GPR39: variants seen among roughly 807,000 people sequenced by gnomAD.
GPR39 encodes the protein zinc sensing receptor.
A neutral mutation model predicts 18.4 loss-of-function variants in GPR39; 23 were observed. That is an observed-to-expected ratio of 1.25 (90% CI 0.90 to 1.77). GPR39 has a LOEUF of 1.77. GPR39 is among the 40% of genes most tolerant of loss of function. The pLI is 0.00. For synonymous variants in GPR39, 280 were observed against 257.9 expected, an observed-to-expected ratio of 1.09 and a Z score of -0.82; for missense variants, 647 against 602.4, an observed-to-expected ratio of 1.07 and a Z score of -0.78.
Position 132,646,026 on chromosome 2 carries a change from G to C in GPR39, c.*420G>C. 1 of 1,507,820 alleles carries C rather than the reference G, an allele frequency of 6.6e-7. No individual in the cohort carries two copies. The highest frequency in any genetic ancestry group is 8.9e-7 in the Non-Finnish European group (1 of 1,118,928). The allele number at this position is 1,507,820 out of a possible 1,614,324, so 93.4% of individuals were successfully genotyped here. Reference sequence around the variant, plus strand: ...GGGCTGGAAGAACAATGCAGGAGGGGGTGGCATCTCCTTCAGCTTCAGCAG... The same window carrying C: ...GGGCTGGAAGAACAATGCAGGAGGGCGTGGCATCTCCTTCAGCTTCAGCAG... On this transcript the variant is annotated 3_prime_UTR_variant, in exon 2 of 2. Transcript: ENST00000329321.
chr2:132,616,988 C>G (rs1302987847), intron 1 of GPR39, among the ~76,000 whole-genome samples: 3 of 152,174 alleles, frequency 2.0e-5, no homozygotes, highest in Non-Finnish European at 4.4e-5. Flanking sequence ...TTCATAGAGA[C>G]ATTTTTAAAA....
intron 1 of GPR39, among the ~76,000 whole-genome samples, chr2:132,524,594 T>C (rs1233958852): frequency 6.6e-6 from 1 of 152,210 alleles, no homozygotes; most frequent in African/African-American, 2.4e-5. Context: ...TGCTGCTACA[T>C]GATGCTGTCA....
intron 1 of GPR39, among the ~76,000 whole-genome samples, chr2:132,633,993 A>G (rs866798193): frequency 1.3e-4 from 18 of 140,572 alleles, no homozygotes; most frequent in African/African-American, 5.0e-4. Flanking sequence ...AGAGGTGGAG[A>G]TGATGATGGT....
intron 1 of GPR39, among the ~76,000 whole-genome samples, chr2:132,585,620 C>G (rs1680710321): frequency 6.6e-6 from 1 of 152,192 alleles, no homozygotes; most frequent in African/African-American, 2.4e-5. Flanking sequence ...CCGGCCGCCC[C>G]CGGGATGCGT....
At chr2:132,577,821 A>G (rs1416274110) in intron 1 of GPR39, among the ~76,000 whole-genome samples, 1 of 152,160 alleles carries the variant, frequency 6.6e-6, no homozygotes, top group Non-Finnish European at 1.5e-5. Context: ...GCCATCTGCA[A>G]ATAGGGGCAG....
intron 1 of GPR39, among the ~76,000 whole-genome samples, chr2:132,486,411 C>G (rs756403425): frequency 2.0e-5 from 3 of 152,248 alleles, no homozygotes; most frequent in Non-Finnish European, 2.9e-5. Flanking sequence ...GACTTCTCCT[C>G]TTTAGCTATG....
In GPR39 at chr2:132,438,662, A is replaced by G. The variant is rs997402198; in HGVS notation, c.856+20764A>G. Among the ~76,000 whole-genome samples, 5 of 150,172 alleles carry G rather than the reference A, an allele frequency of 3.3e-5. No individual in the cohort carries two copies. The East Asian group carries it at 9.8e-4, about 29-fold the overall frequency. On this transcript the variant is annotated intron_variant, in intron 1 of 1. Coordinates refer to ENST00000329321, the MANE Select transcript of GPR39 (RefSeq NM_001508.3). The stretch of plus-strand genomic sequence containing the variant: ...AGTACTATGTGGTCCCATAAAACCT[A>G]AAATATTTACTATCTGGCCCTTTAA...
chr2:132,559,347 G>A (rs999478972), intron 1 of GPR39, among the ~76,000 whole-genome samples: 6 of 152,136 alleles, frequency 3.9e-5, no homozygotes, highest in African/African-American at 1.4e-4. Flanking sequence ...TGGAGGGTGA[G>A]GTGTTTGGGG....
At position 132,580,876 on chromosome 2, in the gene GPR39, C is replaced by T. The variant is rs145935765; in HGVS notation, c.857-64225C>T. ...ATTCAGGAGGCTGAGGCAGGAGAAT[C>T]GCTTGAACCCAGGAGGCAGATGTTG... On this transcript the variant is annotated intron_variant, in intron 1 of 1. Transcript: ENST00000329321. 2.2e-3 allele frequency among the ~76,000 whole-genome samples: 334 copies of T among 150,464 alleles called. 2 individuals are homozygous for T. Among genetic ancestry groups the T allele is most frequent in the African/African-American group, 7.7e-3 (313 of 40,682 alleles).
chr2:132,436,738 G>A (rs73955648), intron 1 of GPR39, among the ~76,000 whole-genome samples: 26,361 of 152,068 alleles, frequency 0.17, 2,771 homozygotes, highest in African/African-American at 0.29. Context: ...GACTTGTGGG[G>A]ACAGAAGAGG....
Position 132,645,457 on chromosome 2 carries a change from A to G in GPR39, c.1213A>G (p.Thr405Ala), listed in dbSNP as rs746118690. 9.9e-6 allele frequency: 16 copies of G among 1,613,774 alleles called. No homozygotes were observed. The East Asian group carries it at 3.6e-4, about 36-fold the overall frequency. The stretch of plus-strand genomic sequence containing the variant: ...CCGGCGCCAGTCCTCTGCAAGGAGA[A>G]CTGAGAAGATTTTCTTAAGCACTTT... ...ASRRQSSARR[T>A]EKIFLSTFQS... Residue 405 changes from threonine to alanine, a missense_variant, in exon 2 of 2, where the codon ACT becomes GCT. Transcript: ENST00000329321.
At chr2:132,576,922 A>G (rs1680538959) in intron 1 of GPR39, among the ~76,000 whole-genome samples, 1 of 152,164 alleles carries the variant, frequency 6.6e-6, no homozygotes, top group Admixed American at 6.5e-5. Flanking sequence ...TCGGTTGTGC[A>G]TATTTGTTTG....
chr2:132,440,107 C>A (rs780890966), intron 1 of GPR39, among the ~76,000 whole-genome samples: 9 of 152,134 alleles, frequency 5.9e-5, no homozygotes, highest in Non-Finnish European at 1.3e-4. Flanking sequence ...GAAGCTCAGC[C>A]CTAGTCCTAG....
intron 1 of GPR39, among the ~76,000 whole-genome samples, chr2:132,564,810 CTTTTTT>C (rs948881403): frequency 9.4e-5 from 9 of 95,442 alleles, no homozygotes; most frequent in African/African-American, 2.0e-4. Context: ...TTTCTTTTTT[CTTTTTT>C]TTTTTTTTTT....
At chr2:132,572,331 G>A (rs960698645) in intron 1 of GPR39, among the ~76,000 whole-genome samples, 10 of 152,010 alleles carry the variant, frequency 6.6e-5, no homozygotes, top group African/African-American at 2.2e-4. Context: ...GTAATCATGA[G>A]TCCCTCTCCA....
In GPR39 at chr2:132,493,578, G is replaced by A. The variant is rs114046927; in HGVS notation, c.856+75680G>A. Among the ~76,000 whole-genome samples the A allele has an allele frequency of 8.6e-3, 1,299 of 150,276 alleles. 21 individuals are homozygous for A. Among genetic ancestry groups the A allele is most frequent in the African/African-American group, 0.031 (1,240 of 40,644 alleles). On this transcript the variant is annotated intron_variant, in intron 1 of 1. Coordinates refer to ENST00000329321, the MANE Select transcript of GPR39 (RefSeq NM_001508.3). ...TAGCAGCAACAGGATTGGATATGGG[G>A]GAGGAGAGAGAAGGAGAAGTTCATG...
intron 1 of GPR39, among the ~76,000 whole-genome samples, chr2:132,625,354 G>C (rs868332204): frequency 2.0e-4 from 30 of 151,966 alleles, no homozygotes; most frequent in Middle Eastern, 6.8e-3. Flanking sequence ...TTTTTTTCTT[G>C]TTGTTTTGTA....
At chr2:132,429,785 A>T (rs1441754349) in intron 1 of GPR39, among the ~76,000 whole-genome samples, 1 of 152,240 alleles carries the variant, frequency 6.6e-6, no homozygotes, top group African/African-American at 2.4e-5. Context: ...TAGGGGTTAT[A>T]TGAAATAACT....
intron 1 of GPR39, among the ~76,000 whole-genome samples, chr2:132,555,496 G>A (rs1323697556): frequency 6.6e-6 from 1 of 152,114 alleles, no homozygotes; most frequent in East Asian, 1.9e-4. Context: ...GTTGGTGCTG[G>A]GGCTACTGGT....
Sources: allele counts gnomAD v4.1 joint callset (sites outside exome capture counted in the v4.1 genomes callset), GRCh38; gene constraint gnomAD v4.1.1; transcripts MANE v1.5; gene names NCBI Gene and HGNC (gene_info 2026-07-23, HGNC 2026-07-21).